ZFP14: variants seen among roughly 807,000 people sequenced by gnomAD.
ZFP14 encodes zinc finger protein 14 homolog.
Under a neutral mutation model 54.5 loss-of-function variants are expected in ZFP14, and 22 were observed. That is an observed-to-expected ratio of 0.40 (90% CI 0.29 to 0.58). The LOEUF is 0.58. ZFP14 is among the 20% of genes least tolerant of loss of function. The probability of loss-of-function intolerance (pLI) is 0.39; values close to 1 mark genes in which losing one functional copy is unlikely to be tolerated. For synonymous variants in ZFP14, 159 were observed against 204.0 expected, an observed-to-expected ratio of 0.78 and a Z score of 1.88; for missense variants, 470 against 637.8, an observed-to-expected ratio of 0.74 and a Z score of 2.83.
chr19:36,367,457 C>T (rs1434138040), intron 2 of ZFP14, among the ~76,000 whole-genome samples: 1 of 151,866 alleles, frequency 6.6e-6, no homozygotes, highest in Non-Finnish European at 1.5e-5. Context: ...TGTCCCAATC[C>T]TCACAGGAGG....
intron 1 of ZFP14, among the ~76,000 whole-genome samples, chr19:36,372,076 G>A (rs1568474890): frequency 1.3e-5 from 2 of 150,350 alleles, no homozygotes; most frequent in African/African-American, 4.9e-5. Context: ...AGAAAGGAAG[G>A]GAGGGAGGTA....
chr19:36,354,553 C>T (rs1301931590), intron 4 of ZFP14, among the ~76,000 whole-genome samples: 1 of 141,950 alleles, frequency 7.0e-6, no homozygotes, highest in Non-Finnish European at 1.6e-5. Flanking sequence ...CCACCCAAAG[C>T]CTTTGTATTT....
chr19:36,335,608 A>C lies in ZFP14; in HGVS notation c.*4616T>G, dbSNP rs1180930891. ...ACACACACACATTTTTTGTTAATCT[A>C]TTTGGGTTATACGGTGAGTTAATTG... On this transcript the variant is annotated 3_prime_UTR_variant, in exon 5 of 5. Transcript: ENST00000270001. The C allele has an allele frequency of 1.3e-5, 2 of 150,226 alleles. No individual in the cohort carries two copies. Among genetic ancestry groups the C allele is most frequent in the Non-Finnish European group, 1.5e-5 (1 of 67,958 alleles). 9.3% of individuals were successfully genotyped at this position (150,226 alleles called of 1,614,324 possible).
At chr19:36,366,423 A>C (rs2031796174) in intron 2 of ZFP14, among the ~76,000 whole-genome samples, 1 of 152,126 alleles carries the variant, frequency 6.6e-6, no homozygotes. Flanking sequence ...AGCTCTAGTC[A>C]TTCGCCCACC....
At chr19:36,360,375 A>C in intron 4 of ZFP14, 60 bp downstream of exon 4, 3 of 1,486,784 alleles carry the variant, frequency 2.0e-6, no homozygotes, top group Non-Finnish European at 1.9e-6. Context: ...CCTCCACCCT[A>C]ATCAGTTTAG....
intron 3 of ZFP14, among the ~76,000 whole-genome samples, chr19:36,361,364 C>G (rs1005609205): frequency 6.6e-6 from 1 of 152,076 alleles, no homozygotes; most frequent in East Asian, 1.9e-4. Flanking sequence ...CTCAGCCTCC[C>G]AAGTAGCTGG....
intron 1 of ZFP14, among the ~76,000 whole-genome samples, chr19:36,373,769 C>T (rs2031915288): frequency 6.6e-6 from 1 of 150,944 alleles, no homozygotes. Context: ...AAAAATTAGC[C>T]GGGCATGGTA....
At chr19:36,358,057 T>G (rs1458759954) in intron 4 of ZFP14, among the ~76,000 whole-genome samples, 2 of 145,408 alleles carry the variant, frequency 1.4e-5, no homozygotes, top group African/African-American at 2.6e-5. Flanking sequence ...TCTATCTATC[T>G]ATCTATCTAT....
In ZFP14 at chr19:36,353,422, C is replaced by T. The variant is rs534653406; in HGVS notation, c.235+7013G>A. Reference sequence around the variant, plus strand: ...TATTTAAAAATCAGCTCATGTAGGCCGGGTGTGGTGGCTCACGCCTGTAAT... The same window carrying T: ...TATTTAAAAATCAGCTCATGTAGGCTGGGTGTGGTGGCTCACGCCTGTAAT... On this transcript the variant is annotated intron_variant, in intron 4 of 4. Transcript: ENST00000270001. 5.6e-5 allele frequency among the ~76,000 whole-genome samples: 8 copies of T among 142,556 alleles called. 1 individual carries two copies. In the South Asian group the frequency reaches 1.6e-3, roughly 28 times the overall value. 93.5% of individuals were successfully genotyped at this position (142,556 alleles called of 152,430 possible).
In ZFP14 at chr19:36,352,180, T is replaced by A. The variant is rs528595237; in HGVS notation, c.235+8255A>T. On this transcript the variant is annotated intron_variant, in intron 4 of 4. Coordinates refer to ENST00000270001, the MANE Select transcript of ZFP14 (RefSeq NM_020917.3). ...TTCTGGGCAACGGAGCCAGACTCTG[T>A]CTCAAAAAAAAAAAAATTCTATTAA... Among the ~76,000 whole-genome samples the A allele has an allele frequency of 5.1e-5, 7 of 136,356 alleles. 1 individual carries two copies. The South Asian group carries it at 1.4e-3, about 27-fold the overall frequency. The allele number at this position is 136,356 out of a possible 152,430, so 89.5% of individuals were successfully genotyped here.
At chr19:36,357,417 C>A (rs1600076791) in intron 4 of ZFP14, among the ~76,000 whole-genome samples, 1 of 152,210 alleles carries the variant, frequency 6.6e-6, no homozygotes, top group South Asian at 2.1e-4. Context: ...AGTTGGGACA[C>A]TCATCACTGT....
Position 36,340,463 on chromosome 19 carries a change from T to C in ZFP14, c.1363A>G (p.Lys455Glu). The C allele has an allele frequency of 6.2e-7, 1 of 1,613,894 alleles. No individual in the cohort carries two copies. The highest frequency in any genetic ancestry group is 8.5e-7 in the Non-Finnish European group (1 of 1,179,814). Residue 455 changes from lysine to glutamate, a missense_variant, in exon 5 of 5, where the codon AAG (lysine) becomes GAG (glutamate). By Grantham distance (56) the Lys-to-Glu change is moderately conservative. Transcript: ENST00000270001. This position sits in a 1 kb window ranked among gnomAD's most constrained non-coding sequence, Gnocchi z 5.4. Reference protein sequence around the residue: ...IHTGEKPYECKECRKPFRLLS... With the variant: ...IHTGEKPYECEECRKPFRLLS... ...AGTCTAAAAGGTTTTCTACATTCCT[T>C]ACATTCATAAGGTTTCTCACCAGTG... is the stretch of plus-strand genomic sequence containing the variant.
At chr19:36,342,755 G>T (rs2031345317) in intron 4 of ZFP14, among the ~76,000 whole-genome samples, 2 of 151,064 alleles carry the variant, frequency 1.3e-5, no homozygotes, top group African/African-American at 4.9e-5. Context: ...TGGGGAGGGA[G>T]ACCTGGGTGC....
chr19:36,345,914 T>C (rs1912471244), intron 4 of ZFP14, among the ~76,000 whole-genome samples: 1 of 151,864 alleles, frequency 6.6e-6, no homozygotes, highest in Non-Finnish European at 1.5e-5. Flanking sequence ...AACAACAAAG[T>C]ATACTGAGGA....
intron 1 of ZFP14, among the ~76,000 whole-genome samples, chr19:36,370,288 G>A (rs1297780731): frequency 1.3e-5 from 2 of 152,188 alleles, no homozygotes; most frequent in Non-Finnish European, 2.9e-5. Context: ...AAAAGTCAGG[G>A]AAGTGAGCAC....
rs1342212221 is a variant in ZFP14 at position 36,352,040 on chromosome 19, G to A, written c.235+8395C>T. ...CTACTAAAAATACAAAAAAATTAGC[G>A]GGGCGTGGTGGTGAGCGCCTGTAGT... On this transcript the variant is annotated intron_variant, in intron 4 of 4. Coordinates refer to ENST00000270001, the MANE Select transcript of ZFP14 (RefSeq NM_020917.3). Among the ~76,000 whole-genome samples the A allele has an allele frequency of 2.1e-4, 30 of 140,758 alleles. 2 individuals carry two copies. In the East Asian group the frequency reaches 3.8e-3, roughly 18 times the overall value. The allele number at this position is 140,758 out of a possible 152,430, so 92.3% of individuals were successfully genotyped here. A position where few individuals can be genotyped will look rare whatever the true frequency, so the allele number is the denominator to read the frequency against.
chr19:36,357,199 C>A (rs1279977265), intron 4 of ZFP14, among the ~76,000 whole-genome samples: 1 of 152,138 alleles, frequency 6.6e-6, no homozygotes, highest in African/African-American at 2.4e-5. Flanking sequence ...CATGCCAAGA[C>A]GCCCAGCTAA....
chr19:36,340,643 G>A lies in ZFP14; in HGVS notation c.1183C>T (p.Pro395Ser). Residue 395 changes from proline (P) to serine (S), a missense_variant, in exon 5 of 5, where the codon CCC becomes TCC. Coordinates refer to ENST00000270001, the MANE Select transcript of ZFP14 (RefSeq NM_020917.3). The surrounding 1 kb of genome is among the most constrained non-coding windows in gnomAD (Gnocchi z 5.4). Reference sequence around the variant, plus strand: ...TTCCAACATTCCATACATTCATAGGGTTTCTCACGAGTATGTATTCTCTGA... The same window carrying A: ...TTCCAACATTCCATACATTCATAGGATTTCTCACGAGTATGTATTCTCTGA... ...RHQRIHTREK[P>S]YECMECWKTF... 5 of 1,613,992 alleles carry A rather than the reference G, an allele frequency of 3.1e-6. No homozygotes were observed. Among genetic ancestry groups the A allele is most frequent in the Non-Finnish European group, 4.2e-6 (5 of 1,180,004 alleles).
intron 4 of ZFP14, among the ~76,000 whole-genome samples, chr19:36,343,802 G>A (rs2031365473): frequency 6.6e-6 from 1 of 152,072 alleles, no homozygotes; most frequent in South Asian, 2.1e-4. Flanking sequence ...GGGTAATGGG[G>A]GCTGAGTGTG....
Sources: gnomAD v4.1 joint callset for allele counts (sites outside exome capture counted in the v4.1 genomes callset) on GRCh38, gnomAD v4.1.1 for gene constraint, Gnocchi (gnomAD v3.1) non-coding constraint, MANE v1.5 for transcripts, NCBI Gene and HGNC (gene_info 2026-07-23, HGNC 2026-07-21) for gene names.